The following NRG1 variants were observed in gnomAD, a reference collection of about 807,000 sequenced individuals.
The protein encoded by NRG1 is neuregulin 1, also known as pro-neuregulin-1, membrane-bound isoform.
In NRG1, 18 loss-of-function variants were observed where a neutral mutation model predicts 63.8. That is an observed-to-expected ratio of 0.28 (90% CI 0.19 to 0.42). The LOEUF (loss-of-function observed/expected upper bound fraction) is 0.42. Ranked by LOEUF, NRG1 falls within the 10% of genes least tolerant of loss-of-function variation. NRG1 has a pLI of 1.00. For synonymous variants in NRG1, 302 were observed against 301.3 expected (o/e 1.00, Z -0.02); for missense variants, 762 against 814.7 (o/e 0.94, Z 0.79).
chr8:31,961,668 T>C (rs1214566623), intron 1 of NRG1, among the ~76,000 whole-genome samples: 2 of 152,176 alleles, frequency 1.3e-5, no homozygotes, highest in Admixed American at 6.5e-5. Flanking sequence ...CTATGAAATC[T>C]GTATGCCTCC....
intron 1 of NRG1, among the ~76,000 whole-genome samples, chr8:31,730,579 C>A (rs942649439): frequency 6.6e-6 from 1 of 152,078 alleles, no homozygotes; most frequent in African/African-American, 2.4e-5. Flanking sequence ...GGCTAGAAAT[C>A]AAGTTAGATT....
At chr8:32,253,581 G>A (rs1452457840) in intron 1 of NRG1, among the ~76,000 whole-genome samples, 2 of 152,172 alleles carry the variant, frequency 1.3e-5, no homozygotes, top group African/African-American at 4.8e-5. Context: ...TGTGCTGCTG[G>A]ATTCAGTTTG....
intron 1 of NRG1, among the ~76,000 whole-genome samples, chr8:32,262,739 T>C (rs184385156): frequency 1.3e-5 from 2 of 152,314 alleles, no homozygotes; most frequent in African/African-American, 4.8e-5. Context: ...AGATTTCTTG[T>C]TAGAATAATT....
chr8:32,721,966 T>C, intron 5 of NRG1: 7 of 1,544,796 alleles, frequency 4.5e-6, no homozygotes, highest in Non-Finnish European at 6.1e-6. Flanking sequence ...AATAATAATT[T>C]CAGATTTTTT....
intron 1 of NRG1, among the ~76,000 whole-genome samples, chr8:32,044,421 T>C (rs908496181): frequency 1.3e-5 from 2 of 151,892 alleles, no homozygotes; most frequent in Non-Finnish European, 3.0e-5. Flanking sequence ...TGCCTTGATA[T>C]AGAAAAGCTG....
chr8:31,834,993 A>G (rs1825562687), intron 1 of NRG1, among the ~76,000 whole-genome samples: 1 of 152,206 alleles, frequency 6.6e-6, no homozygotes, highest in Admixed American at 6.5e-5. Context: ...TTTCTATCTT[A>G]TAGTCTGAAG....
intron 1 of NRG1, among the ~76,000 whole-genome samples, chr8:31,933,375 G>T (rs961010777): frequency 6.6e-6 from 1 of 151,894 alleles, no homozygotes; most frequent in Admixed American, 6.6e-5. Flanking sequence ...CTGCCTCCTG[G>T]GTTCAAGTGA....
At chr8:31,841,991 C>T (rs1291720479) in intron 1 of NRG1, among the ~76,000 whole-genome samples, 1 of 152,194 alleles carries the variant, frequency 6.6e-6, no homozygotes, top group Non-Finnish European at 1.5e-5. Context: ...CTGGCTGTGC[C>T]TTCCCTCCTC....
At chr8:32,511,564 G>T (rs752301729) in intron 1 of NRG1, among the ~76,000 whole-genome samples, 1 of 151,210 alleles carries the variant, frequency 6.6e-6, no homozygotes, top group East Asian at 2.0e-4. Flanking sequence ...ATACACAGAG[G>T]AATTTTATAC....
chr8:32,238,623 A>G (rs1847813829), intron 1 of NRG1, among the ~76,000 whole-genome samples: 1 of 152,072 alleles, frequency 6.6e-6, no homozygotes, highest in African/African-American at 2.4e-5. Flanking sequence ...GTAATCAGCA[A>G]ACTGATAGGT....
At chr8:32,724,292 G>A (rs1821470462) in intron 5 of NRG1, among the ~76,000 whole-genome samples, 1 of 152,158 alleles carries the variant, frequency 6.6e-6, no homozygotes, top group African/African-American at 2.4e-5. Flanking sequence ...AAGGTTTAGT[G>A]AGATCCAGTT....
At chr8:31,792,954 C>T (rs1186399739) in intron 1 of NRG1, among the ~76,000 whole-genome samples, 2 of 152,218 alleles carry the variant, frequency 1.3e-5, no homozygotes, top group African/African-American at 4.8e-5. Flanking sequence ...CTAATTCTCA[C>T]ACCCATGTAA....
intron 1 of NRG1, among the ~76,000 whole-genome samples, chr8:32,347,286 C>A (rs569842866): frequency 6.6e-6 from 1 of 152,214 alleles, no homozygotes; most frequent in South Asian, 2.1e-4. Flanking sequence ...TACCCATTAA[C>A]CAACTGTTAT....
rs185519280 is a variant in NRG1, at chr8:32,673,957, G to C, written c.503-53992G>C. ...GACTTTTATCAGGCTAAAATTTACT[G>C]TGTCATGACGAAAATTGAATAAAGT... On this transcript the variant is annotated intron_variant, in intron 5 of 11. Coordinates refer to ENST00000356819, the Ensembl canonical transcript of NRG1. Among the ~76,000 whole-genome samples, 1,068 of 152,160 alleles carry C rather than the reference G, an allele frequency of 7.0e-3. 5 individuals are homozygous for C. The highest frequency in any genetic ancestry group is 0.024 in the Middle Eastern group (7 of 294).
intron 1 of NRG1, among the ~76,000 whole-genome samples, chr8:32,271,730 C>A (rs912579326): frequency 6.6e-6 from 1 of 152,144 alleles, no homozygotes; most frequent in Admixed American, 6.5e-5. Context: ...CACTCAGAGC[C>A]ACCTTGAGCT....
chr8:32,633,872 C>T (rs989746401), intron 5 of NRG1, among the ~76,000 whole-genome samples: 3 of 151,766 alleles, frequency 2.0e-5, no homozygotes, highest in African/African-American at 7.3e-5. Flanking sequence ...GTAGATGAGT[C>T]GACTCTCACC....
At chr8:31,833,280 G>A (rs1385038601) in intron 1 of NRG1, among the ~76,000 whole-genome samples, 1 of 152,168 alleles carries the variant, frequency 6.6e-6, no homozygotes, top group Non-Finnish European at 1.5e-5. Context: ...ACAGATACAG[G>A]TATTTGGCTC....
chr8:32,497,617 A>T (rs565144809), intron 1 of NRG1, among the ~76,000 whole-genome samples: 2 of 152,306 alleles, frequency 1.3e-5, no homozygotes, highest in South Asian at 4.1e-4. Context: ...GGTACTAAAC[A>T]GTTGACTTTT....
chr8:32,526,314 C>A (rs1391079716), intron 1 of NRG1, among the ~76,000 whole-genome samples: 1 of 152,220 alleles, frequency 6.6e-6, no homozygotes, highest in Non-Finnish European at 1.5e-5. Flanking sequence ...AGGTCACCCT[C>A]ATCCCTTGCC....
Sources: gnomAD v4.1 joint callset for allele counts (sites outside exome capture counted in the v4.1 genomes callset) on GRCh38, gnomAD v4.1.1 for gene constraint, MANE v1.5 for transcripts, NCBI Gene and HGNC (gene_info 2026-07-23, HGNC 2026-07-21) for gene names.